KYNU: variants seen among roughly 807,000 people sequenced by gnomAD.
KYNU encodes the protein kynureninase, also known as L-kynurenine hydrolase.
A neutral mutation model predicts 59.2 loss-of-function variants in KYNU; 54 were observed. The ratio of observed to expected loss-of-function variants is 0.91; its 90% confidence interval spans 0.73 to 1.14. The LOEUF is 1.14. Ranked by LOEUF, KYNU falls within the 50% of genes most tolerant of loss-of-function variation. KYNU has a pLI of 0.00. For missense variants in KYNU, 567 were observed against 554.4 expected, an observed-to-expected ratio of 1.02 and a Z score of -0.23; for synonymous variants, 177 against 192.0, an observed-to-expected ratio of 0.92 and a Z score of 0.65.
intron 2 of KYNU, among the ~76,000 whole-genome samples, chr2:142,910,575 TAATTA>T (rs1682449820): frequency 1.3e-5 from 2 of 152,186 alleles, no homozygotes; most frequent in African/African-American, 4.8e-5. Flanking sequence ...CTCTTTAGTT[TAATTA>T]GGTCCCACTT....
rs778648586 is a variant in KYNU at position 143,042,102 on chromosome 2, C to A, written c.1328C>A (p.Ser443Tyr). The change falls in exon 14 of 14, where the codon TCT (serine) becomes TAT (tyrosine). Residue 443 changes from serine to tyrosine, a missense_variant. Coordinates refer to ENST00000264170, the MANE Select transcript of KYNU (RefSeq NM_003937.3). ...IRVAPVPLYN[S>Y]FHDVYKFTNL... is the part of the protein sequence containing the mutation. The stretch of plus-strand genomic sequence containing the variant: ...GTGGCTCCAGTTCCTCTCTATAATT[C>A]TTTCCATGATGTTTATAAATTTACC... 6.2e-7 allele frequency: 1 copy of A among 1,611,076 alleles called. No individual in the cohort carries two copies. The highest frequency in any genetic ancestry group is 1.7e-5 in the Admixed American group (1 of 59,808).
At chr2:142,898,795 G>A (rs934769986) in intron 2 of KYNU, among the ~76,000 whole-genome samples, 1 of 152,144 alleles carries the variant, frequency 6.6e-6, no homozygotes, top group Admixed American at 6.5e-5. Context: ...TTCCAAGAAT[G>A]GAATCTTGGG....
At chr2:143,029,753 G>A in intron 11 of KYNU, 74 bp downstream of exon 11, 1 of 909,006 alleles carries the variant, frequency 1.1e-6, no homozygotes, top group Non-Finnish European at 1.8e-6. Flanking sequence ...TTTGTATTAT[G>A]TGTAATGTAT....
intron 7 of KYNU, among the ~76,000 whole-genome samples, chr2:142,959,002 A>G (rs1684256078): frequency 6.6e-6 from 1 of 152,116 alleles, no homozygotes; most frequent in Non-Finnish European, 1.5e-5. Context: ...TCACTTAATA[A>G]TTCAGATATT....
rs748689681 is a variant in KYNU, at chr2:142,957,743, C to T, written c.582+28C>T. On this transcript the variant is annotated intron_variant, in intron 7 of 13. Coordinates refer to ENST00000264170, the MANE Select transcript of KYNU (RefSeq NM_003937.3). Reference sequence around the variant, plus strand: ...ATATGAGAAAGAAAGAAATATTTGTCATGCTTTGTTTAGTATTGATTTTTT... The same window carrying T: ...ATATGAGAAAGAAAGAAATATTTGTTATGCTTTGTTTAGTATTGATTTTTT... 4 of 1,383,316 alleles carry T rather than the reference C, an allele frequency of 2.9e-6. No homozygotes were observed. In the East Asian group the frequency reaches 9.2e-5, roughly 32 times the overall value. 85.7% of individuals were successfully genotyped at this position (1,383,316 alleles called of 1,614,324 possible).
At chr2:142,946,637 C>T (rs1405259441) in intron 4 of KYNU, among the ~76,000 whole-genome samples, 3 of 152,066 alleles carry the variant, frequency 2.0e-5, no homozygotes, top group African/African-American at 7.2e-5. Context: ...CAGGCTTTGT[C>T]GTTTCACTTA....
chr2:143,039,728 C>A (rs1686981041), intron 12 of KYNU, among the ~76,000 whole-genome samples: 1 of 152,096 alleles, frequency 6.6e-6, no homozygotes, highest in African/African-American at 2.4e-5. Flanking sequence ...AAGTGATTAA[C>A]TTCTTTTAAT....
rs188254113 is a variant in KYNU at position 142,987,322 on chromosome 2, G to C, written c.902+1301G>C. On this transcript the variant is annotated intron_variant, in intron 10 of 13. Coordinates refer to ENST00000264170, the MANE Select transcript of KYNU (RefSeq NM_003937.3). ...GTGCCCGGATAGAAGGAGGTGGGGT[G>C]GGGGGGAAGAAGTAATATACATAAA... 4.0e-5 allele frequency among the ~76,000 whole-genome samples: 6 copies of C among 151,728 alleles called. No individual in the cohort carries two copies. The East Asian group carries it at 5.9e-4, about 15-fold the overall frequency.
intron 4 of KYNU, among the ~76,000 whole-genome samples, chr2:142,931,322 T>C (rs886540101): frequency 2.0e-5 from 3 of 152,160 alleles, no homozygotes; most frequent in Non-Finnish European, 4.4e-5. Flanking sequence ...TAGGGGGTGG[T>C]GTGGGCACCT....
At chr2:143,033,107 A>T in intron 11 of KYNU, 129 bp from the exon 12 acceptor site, 2 of 759,580 alleles carry the variant, frequency 2.6e-6, no homozygotes, top group Non-Finnish European at 4.7e-6. Context: ...AGCTTATCTT[A>T]AATATCTCAG....
intron 10 of KYNU, among the ~76,000 whole-genome samples, chr2:142,998,930 A>C (rs755773495): frequency 6.8e-6 from 1 of 146,508 alleles, no homozygotes; most frequent in Non-Finnish European, 1.5e-5. Flanking sequence ...AATCACTTGA[A>C]CCTGGGAGGC....
intron 2 of KYNU, among the ~76,000 whole-genome samples, chr2:142,898,791 G>C (rs1250610584): frequency 6.6e-6 from 1 of 152,154 alleles, no homozygotes; most frequent in Non-Finnish European, 1.5e-5. Context: ...CAGATTCCAA[G>C]AATGGAATCT....
intron 10 of KYNU, among the ~76,000 whole-genome samples, chr2:142,999,127 C>T (rs1685635785): frequency 1.3e-5 from 2 of 151,024 alleles, no homozygotes; most frequent in South Asian, 2.1e-4. Flanking sequence ...GAGAACATTG[C>T]TTTTATTAAA....
At chr2:143,011,255 C>T (rs1243356109) in intron 10 of KYNU, among the ~76,000 whole-genome samples, 1 of 131,226 alleles carries the variant, frequency 7.6e-6, no homozygotes, top group Non-Finnish European at 1.6e-5. Flanking sequence ...GGGTGAAGGA[C>T]ATGAACAGAC....
intron 2 of KYNU, among the ~76,000 whole-genome samples, chr2:142,897,460 T>C (rs1573761618): frequency 6.6e-6 from 1 of 152,336 alleles, no homozygotes; most frequent in East Asian, 1.9e-4. Flanking sequence ...TTATTAAGAT[T>C]GGGAAAGTTT....
chr2:143,024,031 A>G (rs1686481649), intron 10 of KYNU, among the ~76,000 whole-genome samples: 1 of 151,842 alleles, frequency 6.6e-6, no homozygotes, highest in Non-Finnish European at 1.5e-5. Context: ...GAATAAAAGG[A>G]TGAGCAAAAG....
chr2:143,031,022 A>G (rs945390778), intron 11 of KYNU, among the ~76,000 whole-genome samples: 2 of 152,216 alleles, frequency 1.3e-5, no homozygotes, highest in South Asian at 2.1e-4. Context: ...TATGGCTTCT[A>G]CTTAAGATGT....
chr2:143,013,133 C>G (rs1165233159), intron 10 of KYNU, among the ~76,000 whole-genome samples: 3 of 152,124 alleles, frequency 2.0e-5, no homozygotes, highest in African/African-American at 7.2e-5. Flanking sequence ...GTAGCTGGGA[C>G]TACAAGTGTG....
chr2:142,965,804 C>T (rs1213185903), intron 8 of KYNU, among the ~76,000 whole-genome samples: 2 of 152,114 alleles, frequency 1.3e-5, no homozygotes, highest in South Asian at 2.1e-4. Context: ...GAATGGGCTT[C>T]GGGTTGGCTA....
Sources: gnomAD v4.1 joint callset for allele counts (sites outside exome capture counted in the v4.1 genomes callset) on GRCh38, gnomAD v4.1.1 for gene constraint, MANE v1.5 for transcripts, NCBI Gene and HGNC (gene_info 2026-07-23, HGNC 2026-07-21) for gene names.